SLC6A3: variants seen among roughly 807,000 people sequenced by gnomAD.
SLC6A3 encodes sodium-dependent dopamine transporter.
Under a neutral mutation model 70.4 loss-of-function variants are expected in SLC6A3, and 19 were observed. The observed-to-expected ratio is 0.27, with a 90% CI of 0.19 to 0.40. The LOEUF is 0.40. SLC6A3 is among the 10% of genes least tolerant of loss of function. The probability of loss-of-function intolerance (pLI) is 1.00; values close to 1 mark genes in which losing one functional copy is unlikely to be tolerated. For missense variants in SLC6A3, 613 were observed against 838.5 expected, an observed-to-expected ratio of 0.73 and a Z score of 3.32; for synonymous variants, 368 against 356.6, an observed-to-expected ratio of 1.03 and a Z score of -0.36.
Position 1,408,954 on chromosome 5 carries a change from CT to C in SLC6A3, c.1498+71del, listed in dbSNP as rs2126338012. 9 of 1,092,750 alleles carry C rather than the reference CT, an allele frequency of 8.2e-6. No homozygotes were observed. The highest frequency in any genetic ancestry group is 1.1e-5 in the Non-Finnish European group (8 of 715,630). 67.7% of individuals were successfully genotyped at this position (1,092,750 alleles called of 1,614,324 possible). ...GCTGAAAGGTGTTTCCTCACGGAGCCTTTTTCAGAAGGGGAGTGGCACAGCC... is the reference window on the plus strand; with the variant it reads ...GCTGAAAGGTGTTTCCTCACGGAGCCTTTTCAGAAGGGGAGTGGCACAGCC... On this transcript the variant is annotated intron_variant, in intron 11 of 14. Coordinates refer to ENST00000270349, the MANE Select transcript of SLC6A3 (RefSeq NM_001044.5). The surrounding 1 kb of genome is among the most constrained non-coding windows in gnomAD (Gnocchi z 6.4).
chr5:1,396,528 C>T lies in SLC6A3; in HGVS notation c.1840-1770G>A, dbSNP rs996070938. ...ACGCTGGAAAGGAGAGCGAGGGAAA[C>T]GGAGGTGGCTGCAGTTTGCAGGCCA... is the stretch of plus-strand genomic sequence containing the variant. On this transcript the variant is annotated intron_variant, in intron 14 of 14. Transcript: ENST00000270349. The surrounding 1 kb of genome is among the most constrained non-coding windows in gnomAD (Gnocchi z 7.0). Among the ~76,000 whole-genome samples, 5 of 152,188 alleles carry T rather than the reference C, an allele frequency of 3.3e-5. No individual in the cohort carries two copies. The highest frequency in any genetic ancestry group is 5.9e-5 in the Non-Finnish European group (4 of 68,032).
chr5:1,394,862 A>C lies in SLC6A3; in HGVS notation c.1840-104T>G. On this transcript the variant is annotated intron_variant, in intron 14 of 14. Coordinates refer to ENST00000270349, the MANE Select transcript of SLC6A3 (RefSeq NM_001044.5). The surrounding 1 kb of genome is among the most constrained non-coding windows in gnomAD (Gnocchi z 4.7). ...TGAAGGCAGTGAGCAGACAGTTTGC[A>C]GCCTCCTGGCCATGTGCCCTGGGAG... is the stretch of plus-strand genomic sequence containing the variant. 7.9e-7 allele frequency: 1 copy of C among 1,273,110 alleles called. No homozygotes were observed. Among genetic ancestry groups the C allele is most frequent in the South Asian group, 1.2e-5 (1 of 83,942 alleles). 78.9% of individuals were successfully genotyped at this position (1,273,110 alleles called of 1,614,324 possible).
rs1314163402 is a variant in SLC6A3 at position 1,437,181 on chromosome 5, G to A, written c.418+4178C>T. Reference sequence around the variant, plus strand: ...CAGGAGAATCGCTTGAACCCGGGACGCGCAGGTGACAGTGAGCCAAGATCG... The same window carrying A: ...CAGGAGAATCGCTTGAACCCGGGACACGCAGGTGACAGTGAGCCAAGATCG... On this transcript the variant is annotated intron_variant, in intron 3 of 14. Transcript: ENST00000270349. This position sits in a 1 kb window ranked among gnomAD's most constrained non-coding sequence, Gnocchi z 4.8. Among the ~76,000 whole-genome samples the A allele has an allele frequency of 6.6e-6, 1 of 151,632 alleles. No individual in the cohort carries two copies. The highest frequency in any genetic ancestry group is 6.6e-5 in the Admixed American group (1 of 15,256).
At chr5:1,422,806 A>G (rs71595042) in intron 4 of SLC6A3, among the ~76,000 whole-genome samples, 221 of 27,068 alleles carry the variant, frequency 8.2e-3, no homozygotes, top group Admixed American at 0.014. Flanking sequence ...GGTGCTGGGT[A>G]CCCACCGCTG....
chr5:1,434,161 C>T (rs1189943551), intron 3 of SLC6A3, among the ~76,000 whole-genome samples: 2 of 152,272 alleles, frequency 1.3e-5, no homozygotes, highest in African/African-American at 4.8e-5. Context: ...TCACACTACC[C>T]ATGCATGACC....
intron 6 of SLC6A3, among the ~76,000 whole-genome samples, chr5:1,420,092 C>T: frequency 6.6e-6 from 1 of 152,320 alleles, no homozygotes; most frequent in East Asian, 1.9e-4. Flanking sequence ...AACATGGATG[C>T]CCCTGGGCGG....
intron 10 of SLC6A3, 85 bp from the exon 11 acceptor site, chr5:1,409,210 T>G: frequency 2.0e-6 from 2 of 995,814 alleles, no homozygotes; most frequent in South Asian, 2.7e-5. Context: ...GCACACAAAT[T>G]GTTTCACTCA....
In SLC6A3 at chr5:1,394,544, C is replaced by G; in HGVS notation, c.*191G>C. The stretch of plus-strand genomic sequence containing the variant: ...GTTATTACAGCAACACAAGACACGG[C>G]GAGGTGCGCTCCCGGCACGGAAAGG... On this transcript the variant is annotated 3_prime_UTR_variant, in exon 15 of 15. Coordinates refer to ENST00000270349, the MANE Select transcript of SLC6A3 (RefSeq NM_001044.5). The surrounding 1 kb of genome is among the most constrained non-coding windows in gnomAD (Gnocchi z 4.7). The G allele has an allele frequency of 1.4e-6, 1 of 696,426 alleles. No homozygotes were observed. Among genetic ancestry groups the G allele is most frequent in the Non-Finnish European group, 2.6e-6 (1 of 381,618 alleles). The allele number at this position is 696,426 out of a possible 1,614,324, so 43.1% of individuals were successfully genotyped here.
chr5:1,444,101 G>C (rs566125638), intron 1 of SLC6A3, among the ~76,000 whole-genome samples: 3 of 152,276 alleles, frequency 2.0e-5, no homozygotes, highest in East Asian at 3.9e-4. Flanking sequence ...TCCTCAAAAA[G>C]TGTCTGTACA....
intron 4 of SLC6A3, among the ~76,000 whole-genome samples, chr5:1,430,156 T>C (rs952846776): frequency 6.6e-6 from 1 of 151,888 alleles, no homozygotes; most frequent in African/African-American, 2.4e-5. Flanking sequence ...AAACCAGCCC[T>C]CCTCCCATGA....
In SLC6A3 at chr5:1,432,646, G is replaced by A. The variant is rs755940757; in HGVS notation, c.471C>T (p.Asn157=). 27 of 1,614,046 alleles carry A rather than the reference G, an allele frequency of 1.7e-5. No homozygotes were observed. The Admixed American group carries it at 2.3e-4, about 14-fold the overall frequency. Residue 157 remains asparagine, a synonymous_variant, in exon 4 of 15, where the codon AAC becomes AAT. Transcript: ENST00000270349. Reference sequence around the variant, plus strand: ...AGTGCAGCGCCCAGGCGATGATGACGTTGTAGAAGAAGCCGACATACAGTG... The same window carrying A: ...AGTGCAGCGCCCAGGCGATGATGACATTGTAGAAGAAGCCGACATACAGTG... ...LISLYVGFFY[N]VIIAWALHYL... is the part of the protein sequence containing the mutation.
At chr5:1,431,980 C>T (rs890719477) in intron 4 of SLC6A3, among the ~76,000 whole-genome samples, 3 of 152,198 alleles carry the variant, frequency 2.0e-5, no homozygotes, top group Non-Finnish European at 4.4e-5. Flanking sequence ...AGACTTCTTG[C>T]GCAGTGACAC....
chr5:1,419,857 C>T (rs890261617), intron 6 of SLC6A3, among the ~76,000 whole-genome samples: 1 of 151,816 alleles, frequency 6.6e-6, no homozygotes, highest in Admixed American at 6.6e-5. Context: ...CTCACTGCAC[C>T]TGTCAGCTGC....
chr5:1,398,892 G>C (rs796582554), intron 14 of SLC6A3, among the ~76,000 whole-genome samples: 2 of 152,288 alleles, frequency 1.3e-5, no homozygotes, highest in African/African-American at 4.8e-5. Context: ...ATACTATCGA[G>C]GAAGAATATG....
At position 1,401,004 on chromosome 5, in the gene SLC6A3, T is replaced by A; in HGVS notation, c.1768-18A>T. 6.3e-7 allele frequency: 1 copy of A among 1,580,384 alleles called. No homozygotes were observed. Among genetic ancestry groups the A allele is most frequent in the Non-Finnish European group, 8.6e-7 (1 of 1,158,874 alleles). On this transcript the variant is annotated intron_variant, in intron 13 of 14. Coordinates refer to ENST00000270349, the MANE Select transcript of SLC6A3 (RefSeq NM_001044.5). This position sits in a 1 kb window ranked among gnomAD's most constrained non-coding sequence, Gnocchi z 6.1. ...GCCAGTTTCTGAAAGAGAAAGAGAG[T>A]GCAGGGGTCAGTGCAGACCAGTACC...
intron 4 of SLC6A3, among the ~76,000 whole-genome samples, chr5:1,425,252 A>G (rs932175702): frequency 6.6e-6 from 1 of 152,258 alleles, no homozygotes; most frequent in Admixed American, 6.5e-5. Flanking sequence ...ATGACCTCAC[A>G]GCAGCCCTCT....
chr5:1,439,655 G>A (rs984316978), intron 3 of SLC6A3, among the ~76,000 whole-genome samples: 8 of 152,208 alleles, frequency 5.3e-5, no homozygotes, highest in Non-Finnish European at 7.3e-5. Context: ...TGCTGGGCTC[G>A]GCTGTCTTCT....
In SLC6A3 at chr5:1,432,425, G is replaced by A. The variant is rs8179024; in HGVS notation, c.653+39C>T. The stretch of plus-strand genomic sequence containing the variant: ...GGGCTACCATGGGGGACCTGGCTGC[G>A]CCATCTCTCCCGTTCCCGAGGACCC... On this transcript the variant is annotated intron_variant, in intron 4 of 14. Coordinates refer to ENST00000270349, the MANE Select transcript of SLC6A3 (RefSeq NM_001044.5). 4.7e-5 allele frequency: 71 copies of A among 1,500,372 alleles called. No individual in the cohort carries two copies. In the Middle Eastern group the frequency reaches 7.3e-4, roughly 15 times the overall value. 92.9% of individuals were successfully genotyped at this position (1,500,372 alleles called of 1,614,324 possible). A position where few individuals can be genotyped will look rare whatever the true frequency, so the allele number is the denominator to read the frequency against.
Position 1,411,856 on chromosome 5 carries a change from AG to A in SLC6A3, c.1157-502del, listed in dbSNP as rs1227159922. On this transcript the variant is annotated intron_variant, in intron 8 of 14. Transcript: ENST00000270349. The surrounding 1 kb of genome is among the most constrained non-coding windows in gnomAD (Gnocchi z 6.5). ...CACATACCATGCAACATACACACTCAGACACACATACCATGCAACATACACA... is the reference window on the plus strand; with the variant it reads ...CACATACCATGCAACATACACACTCAACACACATACCATGCAACATACACA... 4.6e-5 allele frequency among the ~76,000 whole-genome samples: 7 copies of A among 151,606 alleles called. No individual in the cohort carries two copies. The highest frequency in any genetic ancestry group is 1.5e-4 in the African/African-American group (6 of 41,082).
Sources: allele counts gnomAD v4.1 joint callset (sites outside exome capture counted in the v4.1 genomes callset), GRCh38; gene constraint gnomAD v4.1.1; non-coding constraint Gnocchi (gnomAD v3.1); transcripts MANE v1.5; gene names NCBI Gene and HGNC (gene_info 2026-07-23, HGNC 2026-07-21).